Variants in YPEL2 observed in about 807,000 individuals in gnomAD.
YPEL2 encodes the protein protein yippee-like 2.
YPEL2 carries 2 observed loss-of-function variants against 19.1 expected under a neutral mutation model. That is an observed-to-expected ratio of 0.10 (90% CI 0.04 to 0.33). YPEL2 has a LOEUF of 0.33. Among genes scored for constraint, YPEL2 ranks in the 10% least tolerant of loss-of-function variants. YPEL2 has a pLI of 1.00. For missense variants in YPEL2, 66 were observed against 140.7 expected (o/e 0.47, Z 2.68); for synonymous variants, 52 against 50.0 (o/e 1.04, Z -0.17).
At chr17:59,391,421 A>G (rs2048006981) in intron 4 of YPEL2, among the ~76,000 whole-genome samples, 2 of 152,186 alleles carry the variant, frequency 1.3e-5, no homozygotes, top group South Asian at 2.1e-4. Context: ...CTTTTGGGAA[A>G]AAAATATATT....
chr17:59,390,804 A>G (rs765460621), intron 4 of YPEL2, among the ~76,000 whole-genome samples: 19 of 152,156 alleles, frequency 1.2e-4, no homozygotes, highest in Non-Finnish European at 1.9e-4. Flanking sequence ...AGTGGTTAAG[A>G]ACCATCTAGG....
intron 2 of YPEL2, among the ~76,000 whole-genome samples, chr17:59,360,743 A>G (rs944980467): frequency 1.3e-5 from 2 of 151,974 alleles, no homozygotes; most frequent in Non-Finnish European, 2.9e-5. Context: ...GGGCTCGTGT[A>G]AAGTATATAG....
chr17:59,372,864 C>T (rs2047903313), intron 2 of YPEL2, among the ~76,000 whole-genome samples: 1 of 152,156 alleles, frequency 6.6e-6, no homozygotes, highest in African/African-American at 2.4e-5. Context: ...ATGGGACATA[C>T]AGTGTAGTGT....
chr17:59,350,427 A>G (rs2047782097), intron 1 of YPEL2, among the ~76,000 whole-genome samples: 1 of 152,090 alleles, frequency 6.6e-6, no homozygotes, highest in Non-Finnish European at 1.5e-5. Flanking sequence ...ATTTAAGAGC[A>G]ATGGGGAGCA....
chr17:59,370,089 C>T (rs1465683516), intron 2 of YPEL2, among the ~76,000 whole-genome samples: 3 of 152,220 alleles, frequency 2.0e-5, no homozygotes, highest in African/African-American at 7.2e-5. Context: ...CGGAGTCTCG[C>T]TCTGTCGCCT....
intron 1 of YPEL2, among the ~76,000 whole-genome samples, chr17:59,346,265 G>A (rs886575020): frequency 2.6e-5 from 4 of 152,204 alleles, no homozygotes; most frequent in African/African-American, 7.2e-5. Flanking sequence ...ACTTAGTCAC[G>A]TTCCTACCCT....
intron 2 of YPEL2, 31 bp from the exon 3 acceptor site, chr17:59,388,296 C>CG: frequency 6.2e-7 from 1 of 1,612,602 alleles, no homozygotes; most frequent in South Asian, 1.1e-5. Flanking sequence ...AAATGGATGT[C>CG]TAACTATCGA....
chr17:59,388,305 G>C, intron 2 of YPEL2, 22 bp from the exon 3 acceptor site: 9 of 1,613,770 alleles, frequency 5.6e-6, no homozygotes, highest in Non-Finnish European at 7.6e-6. Flanking sequence ...TCTAACTATC[G>C]ATTTGTTTTC....
intron 1 of YPEL2, among the ~76,000 whole-genome samples, chr17:59,350,977 A>G (rs975763424): frequency 1.3e-5 from 2 of 152,020 alleles, no homozygotes; most frequent in Non-Finnish European, 2.9e-5. Context: ...GGGGAAGCCT[A>G]CTGCTTGTTT....
At chr17:59,393,692 G>A (rs2048020677) in intron 4 of YPEL2, among the ~76,000 whole-genome samples, 1 of 147,548 alleles carries the variant, frequency 6.8e-6, no homozygotes, top group Admixed American at 6.8e-5. Flanking sequence ...CTGGGTACTT[G>A]AGATTAGGGA....
chr17:59,350,835 A>C (rs142991841), intron 1 of YPEL2, among the ~76,000 whole-genome samples: 1 of 152,262 alleles, frequency 6.6e-6, no homozygotes, highest in African/African-American at 2.4e-5. Flanking sequence ...TCTGCTCTCT[A>C]AACTCAGCCT....
intron 2 of YPEL2, among the ~76,000 whole-genome samples, chr17:59,357,012 A>G (rs1055477477): frequency 1.3e-5 from 2 of 152,166 alleles, no homozygotes; most frequent in Non-Finnish European, 2.9e-5. Flanking sequence ...GCCAGCACCT[A>G]GTGTATGCTC....
chr17:59,367,753 C>T (rs1419276508), intron 2 of YPEL2, among the ~76,000 whole-genome samples: 1 of 152,132 alleles, frequency 6.6e-6, no homozygotes, highest in Non-Finnish European at 1.5e-5. Flanking sequence ...AATTCTATTC[C>T]ATAGGCCAGA....
At chr17:59,332,450 G>A (rs2047676000) in intron 1 of YPEL2, among the ~76,000 whole-genome samples, 1 of 152,162 alleles carries the variant, frequency 6.6e-6, no homozygotes, top group African/African-American at 2.4e-5. Flanking sequence ...CAAGGGGGTG[G>A]GCGCGAGGTC....
intron 2 of YPEL2, among the ~76,000 whole-genome samples, chr17:59,379,621 C>A (rs2047938663): frequency 6.6e-6 from 1 of 152,100 alleles, no homozygotes; most frequent in Admixed American, 6.5e-5. Context: ...AGGCTGGCTG[C>A]TAATGGTGTG....
chr17:59,378,397 T>G (rs897518287), intron 2 of YPEL2, among the ~76,000 whole-genome samples: 2 of 150,592 alleles, frequency 1.3e-5, no homozygotes, highest in Non-Finnish European at 2.9e-5. Flanking sequence ...CAGGTTGGAG[T>G]GCAGTGGCGT....
intron 3 of YPEL2, 36 bp from the exon 4 acceptor site, chr17:59,389,324 T>C: frequency 6.3e-7 from 1 of 1,575,202 alleles, no homozygotes; most frequent in Non-Finnish European, 8.7e-7. Flanking sequence ...TGCGTGTCAC[T>C]AACTACCCAC....
rs1479141086 is a variant in YPEL2 at position 59,398,069 on chromosome 17, G to C, written c.*879G>C. 6.6e-6 allele frequency: 1 copy of C among 152,258 alleles called. No homozygotes were observed. The highest frequency in any genetic ancestry group is 1.5e-5 in the Non-Finnish European group (1 of 68,058). The allele number at this position is 152,258 out of a possible 1,614,324, so 9.4% of individuals were successfully genotyped here. A position where few individuals can be genotyped will look rare whatever the true frequency, so the allele number is the denominator to read the frequency against. ...ATTGAGGAGAGCAGGGCACAAAGGG[G>C]CTGCAGTTTGGGAGCTCCTGAAGAA... On this transcript the variant is annotated 3_prime_UTR_variant, in exon 5 of 5. Coordinates refer to ENST00000312655, the MANE Select transcript of YPEL2 (RefSeq NM_001005404.4).
Position 59,401,578 on chromosome 17 carries a change from A to G in YPEL2, c.*4388A>G, listed in dbSNP as rs937712951. 3.3e-5 allele frequency: 5 copies of G among 152,632 alleles called. No individual in the cohort carries two copies. The highest frequency in any genetic ancestry group is 9.7e-5 in the African/African-American group (4 of 41,444). 9.5% of individuals were successfully genotyped at this position (152,632 alleles called of 1,614,324 possible). On this transcript the variant is annotated 3_prime_UTR_variant, in exon 5 of 5. Coordinates refer to ENST00000312655, the MANE Select transcript of YPEL2 (RefSeq NM_001005404.4). ...GCATTTTTCAGGTCACTTTGCTTCT[A>G]TAACAAAGGTAATTGTTTTCAAATA...
Sources: allele counts gnomAD v4.1 joint callset (sites outside exome capture counted in the v4.1 genomes callset), GRCh38; gene constraint gnomAD v4.1.1; transcripts MANE v1.5; gene names NCBI Gene and HGNC (gene_info 2026-07-23, HGNC 2026-07-21).